Variants in LRRC4C observed in about 807,000 individuals in gnomAD.
LRRC4C encodes the protein leucine-rich repeat-containing protein 4C.
Under a neutral mutation model 33.6 loss-of-function variants are expected in LRRC4C, and 5 were observed. The ratio of observed to expected loss-of-function variants is 0.15; its 90% CI spans 0.08 to 0.31. The LOEUF (loss-of-function observed/expected upper bound fraction) is 0.31, where lower values mean the gene tolerates loss of function less well. LRRC4C is among the 10% of genes least tolerant of loss of function. The pLI is 1.00. For synonymous variants in LRRC4C, 329 were observed against 302.0 expected, an observed-to-expected ratio of 1.09 and a Z score of -0.93; for missense variants, 560 against 796.7, an observed-to-expected ratio of 0.70 and a Z score of 3.58.
chr11:40,968,381 C>T (rs774032431), intron 1 of LRRC4C, among the ~76,000 whole-genome samples: 7 of 152,060 alleles, frequency 4.6e-5, no homozygotes, highest in Non-Finnish European at 8.8e-5. Flanking sequence ...GAAGCTGTGG[C>T]AAGTTATCCA....
At chr11:41,267,688 T>C (rs2136801459) in intron 1 of LRRC4C, among the ~76,000 whole-genome samples, 1 of 152,204 alleles carries the variant, frequency 6.6e-6, no homozygotes, top group East Asian at 1.9e-4. Flanking sequence ...TAATATTCCT[T>C]TAAGAAAAGG....
chr11:40,307,281 C>T (rs1281264379), intron 4 of LRRC4C, among the ~76,000 whole-genome samples: 3 of 152,110 alleles, frequency 2.0e-5, no homozygotes, highest in African/African-American at 7.2e-5. Context: ...AAATACTGGA[C>T]ATAAACTGTC....
At chr11:41,348,208 G>A (rs554028794) in intron 1 of LRRC4C, among the ~76,000 whole-genome samples, 9 of 152,200 alleles carry the variant, frequency 5.9e-5, no homozygotes, top group East Asian at 5.8e-4. Context: ...AAGGCACACC[G>A]TTTTCTCTTA....
At chr11:40,734,821 A>T (rs1947773517) in intron 2 of LRRC4C, among the ~76,000 whole-genome samples, 1 of 152,200 alleles carries the variant, frequency 6.6e-6, no homozygotes, top group Admixed American at 6.5e-5. Context: ...CTAAAGAAGT[A>T]GCACAGCATT....
intron 2 of LRRC4C, among the ~76,000 whole-genome samples, chr11:40,790,903 G>C (rs1950598877): frequency 6.6e-6 from 1 of 152,128 alleles, no homozygotes; most frequent in African/African-American, 2.4e-5. Context: ...ATAGCTCCAA[G>C]GAGTCTAATA....
chr11:41,080,288 A>T (rs1378087158), intron 1 of LRRC4C, among the ~76,000 whole-genome samples: 1 of 151,978 alleles, frequency 6.6e-6, no homozygotes, highest in Non-Finnish European at 1.5e-5. Flanking sequence ...ACAATTGCAT[A>T]ATGGTAAAAT....
At chr11:40,528,199 A>C (rs1396616227) in intron 3 of LRRC4C, among the ~76,000 whole-genome samples, 1 of 152,180 alleles carries the variant, frequency 6.6e-6, no homozygotes, top group Non-Finnish European at 1.5e-5. Flanking sequence ...TCAAACTAAA[A>C]AGCTCTGCAC....
At chr11:41,016,721 T>C (rs540337449) in intron 1 of LRRC4C, among the ~76,000 whole-genome samples, 1 of 152,244 alleles carries the variant, frequency 6.6e-6, no homozygotes, top group African/African-American at 2.4e-5. Context: ...GTTTTCAGCC[T>C]GGAGAATCAG....
intron 2 of LRRC4C, among the ~76,000 whole-genome samples, chr11:40,708,905 T>C (rs1436318319): frequency 1.1e-4 from 16 of 152,226 alleles, no homozygotes. Context: ...TATTATTGGA[T>C]GCATATATAT....
chr11:40,837,335 A>G (rs1260321552), intron 2 of LRRC4C, among the ~76,000 whole-genome samples: 3 of 152,136 alleles, frequency 2.0e-5, no homozygotes, highest in Non-Finnish European at 4.4e-5. Context: ...TGTCCAGGAA[A>G]TTGCATAATG....
At chr11:40,928,124 A>G (rs925839108) in intron 2 of LRRC4C, among the ~76,000 whole-genome samples, 29 of 152,132 alleles carry the variant, frequency 1.9e-4, no homozygotes, top group African/African-American at 6.3e-4. Flanking sequence ...TTGTTTCACT[A>G]TCTAAATCTT....
intron 1 of LRRC4C, among the ~76,000 whole-genome samples, chr11:41,458,970 G>A (rs764528184): frequency 2.7e-4 from 41 of 152,006 alleles, no homozygotes; most frequent in Admixed American, 2.6e-3. Flanking sequence ...TAGAGCTATG[G>A]GGAGGGGGAA....
At chr11:40,739,672 G>A (rs1473268323) in intron 2 of LRRC4C, among the ~76,000 whole-genome samples, 1 of 151,958 alleles carries the variant, frequency 6.6e-6, no homozygotes, top group African/African-American at 2.4e-5. Flanking sequence ...GTGATATTGA[G>A]TGAGTTCTCA....
At chr11:40,750,956 G>T (rs1037574675) in intron 2 of LRRC4C, among the ~76,000 whole-genome samples, 1 of 151,976 alleles carries the variant, frequency 6.6e-6, no homozygotes, top group African/African-American at 2.4e-5. Flanking sequence ...TTTGTAAATG[G>T]TTTAATGTAT....
intron 3 of LRRC4C, among the ~76,000 whole-genome samples, chr11:40,477,884 G>T (rs1953323693): frequency 6.6e-6 from 1 of 152,100 alleles, no homozygotes; most frequent in African/African-American, 2.4e-5. Context: ...TGTTATGGGA[G>T]GGACCCAGTG....
intron 1 of LRRC4C, among the ~76,000 whole-genome samples, chr11:41,137,170 C>T (rs940980387): frequency 6.6e-6 from 1 of 151,964 alleles, no homozygotes; most frequent in African/African-American, 2.4e-5. Flanking sequence ...ATTGCTTGAA[C>T]CCAGGAGGTC....
intron 2 of LRRC4C, among the ~76,000 whole-genome samples, chr11:40,704,568 G>C (rs1946049635): frequency 6.6e-6 from 1 of 152,140 alleles, no homozygotes; most frequent in African/African-American, 2.4e-5. Flanking sequence ...GTGGTGAAGA[G>C]CAAGAAACCC....
intron 1 of LRRC4C, among the ~76,000 whole-genome samples, chr11:41,323,381 T>C (rs1227567753): frequency 6.6e-6 from 1 of 152,176 alleles, no homozygotes; most frequent in Non-Finnish European, 1.5e-5. Flanking sequence ...AATAAATCTA[T>C]ACAAGTTTTC....
intron 1 of LRRC4C, among the ~76,000 whole-genome samples, chr11:41,448,648 A>G (rs1564959028): frequency 6.6e-6 from 1 of 152,154 alleles, no homozygotes; most frequent in Non-Finnish European, 1.5e-5. Flanking sequence ...ATACATGCAA[A>G]CACAGAAACC....
Sources: gnomAD v4.1 joint callset for allele counts (sites outside exome capture counted in the v4.1 genomes callset) on GRCh38, gnomAD v4.1.1 for gene constraint, MANE v1.5 for transcripts, NCBI Gene and HGNC (gene_info 2026-07-23, HGNC 2026-07-21) for gene names.